SMIM7: variants seen among roughly 807,000 people sequenced by gnomAD.
The protein encoded by SMIM7 is small integral membrane protein 7, also known as UPF0608 protein C19orf42.
Under a neutral mutation model 13.3 loss-of-function variants are expected in SMIM7, and 12 were observed. The ratio of observed to expected loss-of-function variants is 0.90; its 90% CI spans 0.58 to 1.46. The LOEUF is 1.46. SMIM7 is among the 40% of genes most tolerant of loss of function. SMIM7 has a pLI of 0.00. For missense variants in SMIM7, 114 were observed against 94.8 expected (o/e 1.20, Z -0.84); for synonymous variants, 36 against 35.8 (o/e 1.01, Z -0.02).
chr19:16,653,654 G>A (rs1029251010), intron 4 of SMIM7: 7 of 209,348 alleles, frequency 3.3e-5, no homozygotes, highest in South Asian at 2.1e-4. Flanking sequence ...CCAGCACTTT[G>A]GGAGCCCAAG....
downstream of SMIM7, chr19:16,640,963 C>G (rs1280756915): frequency 1.3e-5 from 2 of 151,984 alleles, no homozygotes; most frequent in Non-Finnish European, 2.9e-5. Flanking sequence ...GGGTTTTGGT[C>G]AATTGATTAA....
chr19:16,631,943 C>G (rs753302675), intron 4 of SMIM7, among the ~76,000 whole-genome samples: 1 of 150,966 alleles, frequency 6.6e-6, no homozygotes. Flanking sequence ...GATCTTGGCT[C>G]ACTGCAATCT....
downstream of SMIM7, chr19:16,641,433 G>C (rs150527774): frequency 9.0e-3 from 1,372 of 151,824 alleles, 8 homozygotes; most frequent in Non-Finnish European, 0.015. Flanking sequence ...CTAGTAACTG[G>C]GATTACAGGC....
At chr19:16,634,864 C>T (rs995304118) in intron 4 of SMIM7, 14 of 150,500 alleles carry the variant, frequency 9.3e-5, no homozygotes, top group African/African-American at 3.4e-4. Context: ...ATGTCCATAG[C>T]AGCACTGCTC....
At chr19:16,637,458 G>A (rs1167544163) in intron 4 of SMIM7, among the ~76,000 whole-genome samples, 1 of 152,186 alleles carries the variant, frequency 6.6e-6, no homozygotes, top group Non-Finnish European at 1.5e-5. Flanking sequence ...ATTGAGCCAT[G>A]ATCGCCTCAC....
intron 4 of SMIM7, among the ~76,000 whole-genome samples, chr19:16,648,316 C>T (rs937211196): frequency 3.3e-5 from 5 of 151,578 alleles, no homozygotes; most frequent in Non-Finnish European, 5.9e-5. Context: ...AATTTTTGTA[C>T]TTCTAGTAGA....
At chr19:16,645,110 GCTTC>G (rs2122508252), downstream of SMIM7, 1 of 152,280 alleles carries the variant, frequency 6.6e-6, no homozygotes, top group East Asian at 1.9e-4. Flanking sequence ...TTCTTGAAAA[GCTTC>G]CTTAAGAGAC....
intron 4 of SMIM7, among the ~76,000 whole-genome samples, chr19:16,650,444 T>G (rs2086509581): frequency 6.6e-6 from 1 of 152,212 alleles, no homozygotes; most frequent in African/African-American, 2.4e-5. Context: ...GCACGGTGGC[T>G]CACGCCTATA....
chr19:16,657,099 CAGCTAGGAAGACCTT>C (rs2086606014), intron 3 of SMIM7, among the ~76,000 whole-genome samples: 1 of 152,156 alleles, frequency 6.6e-6, no homozygotes. Flanking sequence ...GGGTGTCAGG[CAGCTAGGAAGACCTT>C]AGCACACTGC....
chr19:16,654,049 C>T lies in SMIM7; in HGVS notation c.198G>A (p.Met66Ile), dbSNP rs1470405118. Residue 66 changes from methionine (M) to isoleucine (I), a missense_variant, in exon 4 of 5, where the codon ATG (methionine) becomes ATA (isoleucine). Transcript: ENST00000487416. ...GCTGGACTCACACAATCATGCAGAA[C>T]ATCATGAAGATGTTCCACAGGGCGA... ...IFIALWNIFM[M>I]FCMIVLFGS 1 of 1,613,910 alleles carries T rather than the reference C, an allele frequency of 6.2e-7. No homozygotes were observed. The highest frequency in any genetic ancestry group is 1.7e-5 in the Admixed American group (1 of 59,994).
rs187108495 is a variant in SMIM7, at chr19:16,652,866, A to G, written c.212+1169T>C. On this transcript the variant is annotated intron_variant, in intron 4 of 4. Transcript: ENST00000487416. The stretch of plus-strand genomic sequence containing the variant: ...ATTCTCCCGTCGTGTCTTTTCCTAA[A>G]TCCATTTACAGCAAATCTCACAATT... 1,484 of 1,550,538 alleles carry G rather than the reference A, an allele frequency of 9.6e-4. 2 individuals are homozygous for G. The highest frequency in any genetic ancestry group is 1.2e-3 in the Non-Finnish European group (1,375 of 1,146,976).
At chr19:16,658,291 C>T (rs563826787) in intron 3 of SMIM7, among the ~76,000 whole-genome samples, 40 of 152,378 alleles carry the variant, frequency 2.6e-4, no homozygotes, top group Non-Finnish European at 5.0e-4. Flanking sequence ...CTTACCCCTG[C>T]TGTACCCCAG....
At chr19:16,648,266 G>A (rs1045550054) in intron 4 of SMIM7, among the ~76,000 whole-genome samples, 13 of 151,616 alleles carry the variant, frequency 8.6e-5, no homozygotes, top group Admixed American at 3.3e-4. Context: ...TCAGCCTCCC[G>A]AGTAGCTGGG....
downstream of SMIM7, among the ~76,000 whole-genome samples, chr19:16,641,815 T>C (rs2086406186): frequency 6.6e-6 from 1 of 152,170 alleles, no homozygotes. Context: ...GTCAGGCTAA[T>C]AAGGGATCGC....
At chr19:16,633,099 G>C (rs1238361549) in intron 4 of SMIM7, among the ~76,000 whole-genome samples, 1 of 152,152 alleles carries the variant, frequency 6.6e-6, no homozygotes, top group Non-Finnish European at 1.5e-5. Context: ...GGAGCCTTGT[G>C]GGTGCTACAA....
chr19:16,633,834 C>T (rs955138832), intron 4 of SMIM7: 4 of 152,132 alleles, frequency 2.6e-5, no homozygotes, highest in Non-Finnish European at 4.4e-5. Context: ...TTAAAATATA[C>T]ATACTTATGC....
At chr19:16,658,086 T>C (rs1377625620) in intron 3 of SMIM7, among the ~76,000 whole-genome samples, 1 of 152,070 alleles carries the variant, frequency 6.6e-6, no homozygotes, top group African/African-American at 2.4e-5. Flanking sequence ...TGGGCAGTGC[T>C]CCATCATGGC....
intron 4 of SMIM7, chr19:16,634,879 T>C (rs1599357276): frequency 6.8e-6 from 1 of 146,648 alleles, no homozygotes; most frequent in Admixed American, 6.8e-5. Context: ...CTGCTCATAA[T>C]AGCCATAACG....
chr19:16,655,679 T>TC (rs1568307107), intron 3 of SMIM7, among the ~76,000 whole-genome samples: 3 of 41,662 alleles, frequency 7.2e-5, no homozygotes, highest in African/African-American at 4.9e-4. Flanking sequence ...AGACTCCATC[T>TC]CAAAAAAAAA....
Sources: allele counts gnomAD v4.1 joint callset (sites outside exome capture counted in the v4.1 genomes callset), GRCh38; gene constraint gnomAD v4.1.1; transcripts MANE v1.5; gene names NCBI Gene and HGNC (gene_info 2026-07-23, HGNC 2026-07-21).